RP1: variants seen among roughly 807,000 people sequenced by gnomAD.
RP1 encodes oxygen-regulated protein 1.
In RP1, 16 loss-of-function variants were observed where a neutral mutation model predicts 14.8. The observed-to-expected ratio is 1.08, with a 90% CI of 0.73 to 1.65. RP1 has a LOEUF of 1.65. RP1 is among the 40% of genes most tolerant of loss of function. RP1 has a pLI of 0.00. For missense variants in RP1, 2,631 were observed against 2,535.0 expected, an observed-to-expected ratio of 1.04 and a Z score of -0.81; for synonymous variants, 876 against 883.6, an observed-to-expected ratio of 0.99 and a Z score of 0.15.
intron 5 of RP1, among the ~76,000 whole-genome samples, chr8:54,654,330 T>G (rs1392924008): frequency 6.6e-6 from 1 of 152,172 alleles, no homozygotes; most frequent in Non-Finnish European, 1.5e-5. Flanking sequence ...TTCCATAAAA[T>G]AACCACATTG....
At chr8:54,747,660 GGAGCCCAAGGCCAGAGGATCTCTT>G (rs1809260649) in intron 19 of RP1, among the ~76,000 whole-genome samples, 1 of 152,222 alleles carries the variant, frequency 6.6e-6, no homozygotes, top group Non-Finnish European at 1.5e-5. Context: ...CAGCACTTTG[GGAGCCCAAGGCCAGAGGATCTCTT>G]GAGCCCAGGA....
chr8:54,629,835 A>G lies in RP1; in HGVS notation c.5953A>G (p.Ile1985Val), dbSNP rs1242573241. The change falls in exon 4 of 4, where the codon ATT becomes GTT. Residue 1985 changes from isoleucine (I) to valine (V), a missense_variant. Coordinates refer to ENST00000220676, the MANE Select transcript of RP1 (RefSeq NM_006269.2). ...GAGACAAAATCTTATTGATAATGCC[A>G]TTGGTGATATATTTGATCAGTTTTA... ...SMRQNLIDNA[I>V]GDIFDQFYFS... is the part of the protein sequence containing the mutation. 3 of 1,613,376 alleles carry G rather than the reference A, an allele frequency of 1.9e-6. No homozygotes were observed. The highest frequency in any genetic ancestry group is 2.5e-6 in the Non-Finnish European group (3 of 1,179,834).
At chr8:54,718,338 A>C (rs1808451996) in intron 15 of RP1, among the ~76,000 whole-genome samples, 1 of 152,232 alleles carries the variant, frequency 6.6e-6, no homozygotes, top group Admixed American at 6.5e-5. Flanking sequence ...ATAGAAATCA[A>C]GACAGTGTGT....
In RP1 at chr8:54,693,562, T is replaced by A. The variant is rs373654240; in HGVS notation, c.1718-5905T>A. On this transcript the variant is annotated intron_variant, in intron 12 of 22. Coordinates refer to the RP1 transcript ENST00000636932. ...CCTTGTAAGTTGAATTCCTAGATATTTTATTCTCTTTGAAGCAATTGTGAA... is the reference window on the plus strand; with the variant it reads ...CCTTGTAAGTTGAATTCCTAGATATATTATTCTCTTTGAAGCAATTGTGAA... Among the ~76,000 whole-genome samples, 50 of 152,302 alleles carry A rather than the reference T, an allele frequency of 3.3e-4. No individual in the cohort carries two copies. The East Asian group carries it at 4.2e-3, about 13-fold the overall frequency.
intron 6 of RP1, among the ~76,000 whole-genome samples, chr8:54,663,220 G>A (rs541440857): frequency 3.3e-5 from 5 of 152,198 alleles, no homozygotes; most frequent in South Asian, 4.1e-4. Flanking sequence ...TCACAGCATC[G>A]TAGTGCTTGT....
chr8:54,621,340 G>A lies in RP1; in HGVS notation c.374G>A (p.Arg125Gln), dbSNP rs774403354. ...VDLDKARRRP[R>Q]PWLSSRAISA... ...CTGGACAAAGCCCGTCGGCGCCCGC[G>A]GCCCTGGCTCAGCAGCCGGGCCATT... The change falls in exon 2 of 4, where the codon CGG (arginine) becomes CAG (glutamine). Residue 125 changes from arginine to glutamine, a missense_variant. Physicochemically the swap from Arg to Gln is conservative, Grantham distance 43. Transcript: ENST00000220676. 6.2e-7 allele frequency: 1 copy of A among 1,611,690 alleles called. No homozygotes were observed. The highest frequency in any genetic ancestry group is 8.5e-7 in the Non-Finnish European group (1 of 1,178,906).
In RP1 at chr8:54,621,162, C is replaced by T; in HGVS notation, c.196C>T (p.Leu66=). 6.2e-7 allele frequency: 1 copy of T among 1,614,174 alleles called. No homozygotes were observed. Among genetic ancestry groups the T allele is most frequent in the Non-Finnish European group, 8.5e-7 (1 of 1,180,036 alleles). The change falls in exon 2 of 4, where the codon CTG becomes TTG. Residue 66 remains leucine, a synonymous_variant. Transcript: ENST00000220676. ...TCGCTCCTTTAAGTCCTTTGATGCT[C>T]TGCTGGATAACTTGTCCAGGAAGGT... ...NPRSFKSFDA[L]LDNLSRKVPL...
At chr8:54,742,068 T>C (rs1809111443) in intron 19 of RP1, among the ~76,000 whole-genome samples, 1 of 152,044 alleles carries the variant, frequency 6.6e-6, no homozygotes, top group African/African-American at 2.4e-5. Flanking sequence ...CTCCAGAGAC[T>C]GAGATCTTAA....
exon 22 of RP1, chr8:54,759,042 G>C (rs948437504): frequency 1.3e-6 from 2 of 1,535,366 alleles, no homozygotes; most frequent in African/African-American, 2.7e-5. Context: ...CAGAGAGCCC[G>C]GCACCACATC....
Position 54,785,940 on chromosome 8 carries a change from A to G in RP1, c.3615+2230A>G, listed in dbSNP as rs1264074241. Among the ~76,000 whole-genome samples, 3 of 152,072 alleles carry G rather than the reference A, an allele frequency of 2.0e-5. No individual in the cohort carries two copies. The East Asian group carries it at 5.8e-4, about 29-fold the overall frequency. On this transcript the variant is annotated intron_variant, in intron 24 of 28. Transcript: ENST00000637698. ...TTTTAATTGGATCATTTGTCTTTTT[A>G]TTAATGAGTTTAAGAGTTCGTTATA... is the stretch of plus-strand genomic sequence containing the variant.
chr8:54,640,112 C>A (rs1053123493), intron 3 of RP1, among the ~76,000 whole-genome samples: 1 of 140,342 alleles, frequency 7.1e-6, no homozygotes, highest in African/African-American at 2.6e-5. Context: ...CCATTTTGAG[C>A]TTTTTTTTTT....
chr8:54,783,969 G>A (rs1416287542), intron 24 of RP1, among the ~76,000 whole-genome samples: 4 of 152,216 alleles, frequency 2.6e-5, no homozygotes, highest in Admixed American at 6.5e-5. Flanking sequence ...TTAAAAATTA[G>A]AGTGGAATAA....
intron 3 of RP1, among the ~76,000 whole-genome samples, chr8:54,645,807 T>C (rs1367122403): frequency 6.6e-6 from 1 of 152,172 alleles, no homozygotes; most frequent in African/African-American, 2.4e-5. Flanking sequence ...GGGCCTGAAG[T>C]TCTTTGTGAA....
intron 19 of RP1, among the ~76,000 whole-genome samples, chr8:54,753,844 G>A (rs967819724): frequency 6.6e-6 from 1 of 152,224 alleles, no homozygotes; most frequent in Non-Finnish European, 1.5e-5. Flanking sequence ...ACAGCAGACA[G>A]TGGGTTATGG....
At chr8:54,844,873 G>A (rs917681174) in intron 25 of RP1, among the ~76,000 whole-genome samples, 2 of 152,102 alleles carry the variant, frequency 1.3e-5, no homozygotes, top group African/African-American at 4.8e-5. Context: ...TGGCGCCACT[G>A]GGTCACTCTG....
intron 7 of RP1, chr8:54,673,759 CA>C: frequency 2.6e-6 from 3 of 1,139,324 alleles, no homozygotes; most frequent in Non-Finnish European, 2.5e-6. Flanking sequence ...ACAACAACAA[CA>C]ACAACAACAA....
chr8:54,693,276 G>C (rs1486207089), intron 12 of RP1, among the ~76,000 whole-genome samples: 4 of 152,002 alleles, frequency 2.6e-5, no homozygotes, highest in African/African-American at 9.7e-5. Flanking sequence ...TGTTCTTTTG[G>C]CTTAGGATTG....
chr8:54,633,691 A>G (rs1264873203), downstream of RP1, among the ~76,000 whole-genome samples: 1 of 142,692 alleles, frequency 7.0e-6, no homozygotes, highest in African/African-American at 2.6e-5. Flanking sequence ...ACCAAGATGT[A>G]TTTTAGCTTT....
chr8:54,784,421 A>G (rs1414441514), intron 24 of RP1, among the ~76,000 whole-genome samples: 4 of 152,290 alleles, frequency 2.6e-5, no homozygotes, highest in South Asian at 2.1e-4. Context: ...TGTATTGATT[A>G]GATACTAAGT....
Sources: allele counts gnomAD v4.1 joint callset (sites outside exome capture counted in the v4.1 genomes callset), GRCh38; gene constraint gnomAD v4.1.1; transcripts MANE v1.5; gene names NCBI Gene and HGNC (gene_info 2026-07-23, HGNC 2026-07-21).